The following DPP10 variants were observed in gnomAD, a reference collection of about 807,000 sequenced individuals.
The protein encoded by DPP10 is dipeptidyl peptidase like 10, also known as inactive dipeptidyl peptidase 10.
Under a neutral mutation model 120.9 loss-of-function variants are expected in DPP10, and 33 were observed. That is an observed-to-expected ratio of 0.27 (90% CI 0.21 to 0.37). The LOEUF (loss-of-function observed/expected upper bound fraction) is 0.37, where lower values mean the gene tolerates loss of function less well. Ranked by LOEUF, DPP10 falls within the 10% of genes least tolerant of loss-of-function variation. DPP10 has a pLI of 1.00. For synonymous variants in DPP10, 337 were observed against 326.1 expected, an observed-to-expected ratio of 1.03 and a Z score of -0.36; for missense variants, 816 against 942.8, an observed-to-expected ratio of 0.87 and a Z score of 1.76.
intron 3 of DPP10, among the ~76,000 whole-genome samples, chr2:115,408,905 A>G (rs1030211889): frequency 1.3e-5 from 2 of 152,152 alleles, no homozygotes; most frequent in Non-Finnish European, 2.9e-5. Context: ...CAAAAAACTA[A>G]AGACACACAG....
At chr2:115,360,441 G>A (rs970765498) in intron 3 of DPP10, among the ~76,000 whole-genome samples, 2 of 152,192 alleles carry the variant, frequency 1.3e-5, no homozygotes, top group African/African-American at 2.4e-5. Flanking sequence ...GTGTGTGGAA[G>A]GCATTTTTGT....
intron 1 of DPP10, among the ~76,000 whole-genome samples, chr2:115,235,808 A>C (rs527659697): frequency 3.9e-5 from 6 of 152,050 alleles, no homozygotes; most frequent in South Asian, 2.1e-4. Context: ...TGATCCACCC[A>C]CCTTGGCCTC....
At chr2:114,941,346 T>C (rs1239015809) in intron 1 of DPP10, among the ~76,000 whole-genome samples, 1 of 152,152 alleles carries the variant, frequency 6.6e-6, no homozygotes, top group Admixed American at 6.5e-5. Context: ...TCTTCTCAAT[T>C]GGATACCATT....
At chr2:115,777,886 C>G (rs775361969) in intron 15 of DPP10, 52 bp downstream of exon 15, 1 of 1,572,072 alleles carries the variant, frequency 6.4e-7, no homozygotes, top group East Asian at 2.2e-5. Context: ...CAATGGCTAT[C>G]TATGTAGCAT....
intron 3 of DPP10, among the ~76,000 whole-genome samples, chr2:115,472,252 G>T (rs2074775765): frequency 6.6e-6 from 1 of 152,080 alleles, no homozygotes; most frequent in Admixed American, 6.6e-5. Context: ...ATAATGCAAA[G>T]AAAATTAAGT....
intron 5 of DPP10, among the ~76,000 whole-genome samples, chr2:115,578,248 A>C (rs769565381): frequency 2.6e-5 from 4 of 152,146 alleles, no homozygotes; most frequent in Non-Finnish European, 5.9e-5. Context: ...TTTGTGCACC[A>C]TAAGGGAATC....
At chr2:115,531,261 A>T (rs994704545) in intron 5 of DPP10, among the ~76,000 whole-genome samples, 4 of 152,022 alleles carry the variant, frequency 2.6e-5, no homozygotes, top group African/African-American at 9.7e-5. Context: ...CCATTGAGAC[A>T]GAAACTCTAG....
intron 1 of DPP10, among the ~76,000 whole-genome samples, chr2:114,643,319 A>T (rs1695854200): frequency 6.6e-6 from 1 of 151,916 alleles, no homozygotes; most frequent in Non-Finnish European, 1.5e-5. Context: ...TTACAAAAGC[A>T]GTTATCTTCT....
intron 1 of DPP10, among the ~76,000 whole-genome samples, chr2:115,079,684 A>C (rs1234410575): frequency 2.0e-5 from 3 of 152,176 alleles, no homozygotes; most frequent in Non-Finnish European, 4.4e-5. Flanking sequence ...TATACTACCC[A>C]AGGTCAGTCA....
chr2:114,448,997 G>T (rs1421182204), intron 1 of DPP10, among the ~76,000 whole-genome samples: 1 of 152,098 alleles, frequency 6.6e-6, no homozygotes, highest in African/African-American at 2.4e-5. Flanking sequence ...TAAATTCATA[G>T]AAAATTTCTC....
At chr2:115,262,743 C>T (rs2059306431) in intron 1 of DPP10, among the ~76,000 whole-genome samples, 1 of 152,100 alleles carries the variant, frequency 6.6e-6, no homozygotes, top group Non-Finnish European at 1.5e-5. Context: ...AAGTTTTCTC[C>T]TCATCTGTAA....
chr2:114,769,788 C>A (rs1230204364), intron 1 of DPP10, among the ~76,000 whole-genome samples: 10 of 152,120 alleles, frequency 6.6e-5, no homozygotes, highest in Non-Finnish European at 7.4e-5. Context: ...TACACACATA[C>A]ACAGGGAGTT....
At chr2:115,483,479 C>CTGTATGTATG (rs1553426788) in intron 3 of DPP10, among the ~76,000 whole-genome samples, 1 of 144,072 alleles carries the variant, frequency 6.9e-6, no homozygotes, top group Non-Finnish European at 1.5e-5. Context: ...ATCTATCTAT[C>CTGTATGTATG]TGTATGTGTA....
At chr2:115,051,128 T>C (rs1246178941) in intron 1 of DPP10, among the ~76,000 whole-genome samples, 5 of 152,154 alleles carry the variant, frequency 3.3e-5, no homozygotes, top group African/African-American at 1.2e-4. Context: ...GTATATTCCA[T>C]GCACAGGAAA....
intron 1 of DPP10, among the ~76,000 whole-genome samples, chr2:115,038,620 G>T (rs1283093807): frequency 1.3e-5 from 2 of 152,050 alleles, no homozygotes; most frequent in Admixed American, 1.3e-4. Context: ...CAGGGATTTA[G>T]ATAGTATTTA....
chr2:115,152,344 T>C (rs2051611073), intron 1 of DPP10, among the ~76,000 whole-genome samples: 1 of 152,240 alleles, frequency 6.6e-6, no homozygotes, highest in South Asian at 2.1e-4. Context: ...TGGGCTACAA[T>C]TTGCCAGTCT....
chr2:115,357,376 G>A (rs534458787), intron 3 of DPP10, among the ~76,000 whole-genome samples: 107 of 152,326 alleles, frequency 7.0e-4, no homozygotes, highest in Non-Finnish European at 1.2e-3. Flanking sequence ...ATACAAGTCC[G>A]AAATTCAATA....
Position 115,697,318 on chromosome 2 carries a change from A to G in DPP10, c.576+7397A>G, listed in dbSNP as rs552433727. Among the ~76,000 whole-genome samples, 44 of 152,162 alleles carry G rather than the reference A, an allele frequency of 2.9e-4. 1 individual carries two copies. In the South Asian group the frequency reaches 8.7e-3, roughly 30 times the overall value. Reference sequence around the variant, plus strand: ...TTTTAAAATATAATATGATTCAACTACATACGCTCTATAAGAAACTCACTG... The same window carrying G: ...TTTTAAAATATAATATGATTCAACTGCATACGCTCTATAAGAAACTCACTG... On this transcript the variant is annotated intron_variant, in intron 7 of 25. Coordinates refer to ENST00000410059, the MANE Select transcript of DPP10 (RefSeq NM_020868.6).
intron 1 of DPP10, among the ~76,000 whole-genome samples, chr2:114,661,449 A>C (rs942878732): frequency 1.3e-5 from 2 of 152,168 alleles, no homozygotes; most frequent in African/African-American, 2.4e-5. Flanking sequence ...AAAGAACCTA[A>C]ATTTTGTAAT....
Sources: allele counts gnomAD v4.1 joint callset (sites outside exome capture counted in the v4.1 genomes callset), GRCh38; gene constraint gnomAD v4.1.1; transcripts MANE v1.5; gene names NCBI Gene and HGNC (gene_info 2026-07-23, HGNC 2026-07-21).